The following DLGAP2 variants were observed in gnomAD, a reference collection of about 807,000 sequenced individuals.
DLGAP2 encodes the protein disks large-associated protein 2.
Under a neutral mutation model 100.3 loss-of-function variants are expected in DLGAP2, and 26 were observed. The ratio of observed to expected loss-of-function variants is 0.26; its 90% CI spans 0.19 to 0.36. The LOEUF (loss-of-function observed/expected upper bound fraction) is 0.36, where lower values mean the gene tolerates loss of function less well. Among genes scored for constraint, DLGAP2 ranks in the 10% least tolerant of loss-of-function variants. DLGAP2 has a pLI of 1.00. For synonymous variants in DLGAP2, 886 were observed against 630.1 expected (o/e 1.41, Z -6.08); for missense variants, 1,858 against 1,453.2 (o/e 1.28, Z -4.53).
At chr8:1,372,041 G>A (rs144606092) in intron 3 of DLGAP2, among the ~76,000 whole-genome samples, 1 of 152,222 alleles carries the variant, frequency 6.6e-6, no homozygotes, top group African/African-American at 2.4e-5. Flanking sequence ...CTGTGCAGGT[G>A]GGGGGCCTGA....
At chr8:1,657,352 A>G (rs1254867803) in intron 8 of DLGAP2, among the ~76,000 whole-genome samples, 5 of 152,270 alleles carry the variant, frequency 3.3e-5, no homozygotes, top group Non-Finnish European at 7.3e-5. Context: ...AACACAGCCT[A>G]TAGCTCATAA....
intron 2 of DLGAP2, among the ~76,000 whole-genome samples, chr8:1,213,958 C>G (rs1393723095): frequency 2.0e-5 from 3 of 152,108 alleles, no homozygotes; most frequent in Non-Finnish European, 4.4e-5. Context: ...GTGTAATTTC[C>G]CCATCTCCAG....
intron 3 of DLGAP2, among the ~76,000 whole-genome samples, chr8:1,338,321 G>C (rs888458557): frequency 6.6e-6 from 1 of 152,186 alleles, no homozygotes; most frequent in African/African-American, 2.4e-5. Context: ...TAAAGTGCAG[G>C]CCACACGTAT....
intron 6 of DLGAP2, among the ~76,000 whole-genome samples, chr8:1,625,881 T>G (rs1797477758): frequency 6.6e-6 from 1 of 152,128 alleles, no homozygotes; most frequent in Non-Finnish European, 1.5e-5. Flanking sequence ...ATGGCAAAGT[T>G]ACTCATCAAG....
At chr8:1,520,306 A>G (rs1584980377) in intron 4 of DLGAP2, among the ~76,000 whole-genome samples, 1 of 152,162 alleles carries the variant, frequency 6.6e-6, no homozygotes, top group African/African-American at 2.4e-5. Flanking sequence ...GAGCGATGCA[A>G]TCGGGGAACC....
intron 1 of DLGAP2, among the ~76,000 whole-genome samples, chr8:756,800 C>G (rs182079102): frequency 6.6e-6 from 1 of 152,134 alleles, no homozygotes; most frequent in South Asian, 2.1e-4. Flanking sequence ...GCAGATCTCC[C>G]GCCTCCGGTC....
At chr8:1,370,498 C>T (rs1163237935) in intron 3 of DLGAP2, among the ~76,000 whole-genome samples, 9 of 152,178 alleles carry the variant, frequency 5.9e-5, no homozygotes, top group Admixed American at 5.9e-4. Context: ...CTATTTAAAG[C>T]ATCTATACTT....
chr8:1,254,408 C>G (rs1164154545), intron 2 of DLGAP2, among the ~76,000 whole-genome samples: 1 of 152,102 alleles, frequency 6.6e-6, no homozygotes, highest in African/African-American at 2.4e-5. Flanking sequence ...AGTGTCATGC[C>G]AAGGTCTCAG....
chr8:1,447,135 T>C (rs936266149), intron 3 of DLGAP2, among the ~76,000 whole-genome samples: 6 of 152,216 alleles, frequency 3.9e-5, no homozygotes, highest in African/African-American at 9.6e-5. Flanking sequence ...CTAGGTTGAA[T>C]AGGAGTGGTG....
chr8:1,165,044 C>T (rs1273769124), intron 2 of DLGAP2, among the ~76,000 whole-genome samples: 1 of 151,948 alleles, frequency 6.6e-6, no homozygotes, highest in African/African-American at 2.4e-5. Flanking sequence ...GTCCGGGGTC[C>T]TGGCTAAAGA....
intron 1 of DLGAP2, among the ~76,000 whole-genome samples, chr8:832,261 T>G (rs1252653480): frequency 6.6e-6 from 1 of 152,252 alleles, no homozygotes; most frequent in Non-Finnish European, 1.5e-5. Context: ...CCATTGCTTT[T>G]GGTGTTTTAG....
Position 1,678,349 on chromosome 8 carries a change from G to A in DLGAP2, c.2424G>A (p.Glu808=), listed in dbSNP as rs748905174. The A allele has an allele frequency of 1.2e-6, 2 of 1,614,008 alleles. No homozygotes were observed. The highest frequency in any genetic ancestry group is 1.7e-6 in the Non-Finnish European group (2 of 1,179,896). ...QFGSSFQRHS[E]PSTPTQYSAV... ...GCTCATCCTTCCAGCGGCACTCCGA[G>A]CCCAGCACCCCCACCCAGTACAGCG... The change falls in exon 12 of 15, where the codon GAG becomes GAA. Residue 808 remains glutamate (E), a synonymous_variant. Transcript: ENST00000637795.
chr8:1,617,567 T>A (rs1262158174), intron 6 of DLGAP2, among the ~76,000 whole-genome samples: 1 of 152,266 alleles, frequency 6.6e-6, no homozygotes, highest in Non-Finnish European at 1.5e-5. Context: ...CACATTGTTT[T>A]TTGCTTGCAA....
chr8:1,447,112 A>G (rs1478231728), intron 3 of DLGAP2, among the ~76,000 whole-genome samples: 12 of 152,234 alleles, frequency 7.9e-5, no homozygotes, highest in Non-Finnish European at 1.5e-4. Flanking sequence ...TGCCCTGGCC[A>G]GAACTTCCAG....
intron 2 of DLGAP2, among the ~76,000 whole-genome samples, chr8:1,102,457 G>A (rs1006622854): frequency 4.0e-5 from 6 of 151,390 alleles, no homozygotes; most frequent in Admixed American, 1.3e-4. Flanking sequence ...AATCCATGGC[G>A]GAGAGAGACT....
At chr8:1,462,470 G>A (rs1798486742) in intron 3 of DLGAP2, among the ~76,000 whole-genome samples, 1 of 108,020 alleles carries the variant, frequency 9.3e-6, no homozygotes, top group Non-Finnish European at 2.0e-5. Context: ...AGGGAGAAGG[G>A]TGGCATTTGG....
rs189722061 is a variant in DLGAP2 at position 1,372,138 on chromosome 8, A to T, written c.106+113255A>T. On this transcript the variant is annotated intron_variant, in intron 3 of 14. Transcript: ENST00000637795. ...CCTGGGCCCTCACCTGCAGGCACCT[A>T]CACAGGTGATAGGGTGGGTGGGGCG... is the stretch of plus-strand genomic sequence containing the variant. Among the ~76,000 whole-genome samples, 573 of 152,202 alleles carry T rather than the reference A, an allele frequency of 3.8e-3. 6 individuals are homozygous for T. Among genetic ancestry groups the T allele is most frequent in the Non-Finnish European group, 6.3e-3 (431 of 67,998 alleles).
At chr8:1,377,302 T>G (rs1261213840) in intron 3 of DLGAP2, among the ~76,000 whole-genome samples, 12 of 152,164 alleles carry the variant, frequency 7.9e-5, no homozygotes, top group Admixed American at 7.2e-4. Flanking sequence ...CCCAGCACTT[T>G]GGGAGGCCGA....
chr8:1,510,517 CGAA>C (rs1447891060), intron 4 of DLGAP2, among the ~76,000 whole-genome samples: 1 of 152,188 alleles, frequency 6.6e-6, no homozygotes. Flanking sequence ...TTGAACACGA[CGAA>C]GGAGGGACAA....
Sources: allele counts gnomAD v4.1 joint callset (sites outside exome capture counted in the v4.1 genomes callset), GRCh38; gene constraint gnomAD v4.1.1; transcripts MANE v1.5; gene names NCBI Gene and HGNC (gene_info 2026-07-23, HGNC 2026-07-21).